Variants in RPH3AL observed in about 807,000 individuals in gnomAD.
The protein encoded by RPH3AL is rab effector Noc2.
In RPH3AL, 38 loss-of-function variants were observed where a neutral mutation model predicts 43.1. The ratio of observed to expected loss-of-function variants is 0.88; its 90% CI spans 0.68 to 1.15. The LOEUF (loss-of-function observed/expected upper bound fraction) is 1.15. Ranked by LOEUF, RPH3AL falls within the 50% of genes most tolerant of loss-of-function variation. The probability of loss-of-function intolerance (pLI) is 0.00; values close to 1 mark genes in which losing one functional copy is unlikely to be tolerated. For missense variants in RPH3AL, 462 were observed against 423.2 expected (o/e 1.09, Z -0.81); for synonymous variants, 189 against 176.3 (o/e 1.07, Z -0.57).
chr17:236,944 C>G (rs2041410890), intron 7 of RPH3AL, among the ~76,000 whole-genome samples: 1 of 152,266 alleles, frequency 6.6e-6, no homozygotes, highest in Non-Finnish European at 1.5e-5. Context: ...GGTCAGCCTT[C>G]CCCTCCTCAT....
At chr17:226,896 C>T (rs1332755428) in intron 7 of RPH3AL, among the ~76,000 whole-genome samples, 1 of 151,942 alleles carries the variant, frequency 6.6e-6, no homozygotes, top group Non-Finnish European at 1.5e-5. Context: ...CATTTTTTTT[C>T]TCTCTAATTC....
In RPH3AL at chr17:289,846, G is replaced by A. The variant is rs2043006649; in HGVS notation, c.352-7992C>T. On this transcript the variant is annotated intron_variant, in intron 5 of 9. Coordinates refer to ENST00000331302, the MANE Select transcript of RPH3AL (RefSeq NM_006987.4). This position sits in a 1 kb window ranked among gnomAD's most constrained non-coding sequence, Gnocchi z 5.2. ...TCAGCAAAAGCACCACATCTTCAAG[G>A]AAGACTTCCGCAACACTCCTTCCAC... Among the ~76,000 whole-genome samples the A allele has an allele frequency of 1.3e-5, 2 of 152,134 alleles. No homozygotes were observed. Among genetic ancestry groups the A allele is most frequent in the Non-Finnish European group, 2.9e-5 (2 of 68,024 alleles).
intron 7 of RPH3AL, among the ~76,000 whole-genome samples, chr17:244,866 T>C (rs531354319): frequency 1.3e-5 from 2 of 152,290 alleles, no homozygotes; most frequent in African/African-American, 4.8e-5. Context: ...ACCGTGTGTG[T>C]GCATATGAGT....
intron 5 of RPH3AL, chr17:306,550 G>C (rs1598058861): frequency 6.6e-6 from 1 of 152,176 alleles, no homozygotes; most frequent in Non-Finnish European, 1.5e-5. Context: ...GCTAACTCCT[G>C]TCTTCAGAGT....
intron 6 of RPH3AL, among the ~76,000 whole-genome samples, chr17:258,073 G>A (rs950747546): frequency 2.6e-5 from 4 of 152,090 alleles, no homozygotes; most frequent in South Asian, 2.1e-4. Context: ...GCAGCAACCC[G>A]TGTCAGCACG....
At position 302,242 on chromosome 17, in the gene RPH3AL, AGCCTTTGCCTGTCACTGGAAG is replaced by A. The variant is rs552773557; in HGVS notation, c.351+17157_351+17177del. ...GCAGGCCCGAGAGAGTCTCTCGTCC[AGCCTTTGCCTGTCACTGGAAG>A]GCCAGAGAGGGAAACAGATTTTCAT... On this transcript the variant is annotated intron_variant, in intron 5 of 9. Coordinates refer to ENST00000331302, the MANE Select transcript of RPH3AL (RefSeq NM_006987.4). 3.8e-4 allele frequency among the ~76,000 whole-genome samples: 58 copies of A among 152,338 alleles called. 1 individual carries two copies. In the South Asian group the frequency reaches 0.012, roughly 32 times the overall value.
intron 4 of RPH3AL, 27 bp from the exon 5 acceptor site, chr17:319,576 G>A (rs1278293351): frequency 1.8e-5 from 29 of 1,607,028 alleles, no homozygotes; most frequent in Non-Finnish European, 2.4e-5. Context: ...AGAGTCAGAG[G>A]GACTGTGCTT....
At chr17:321,471 GC>G (rs2044470546) in intron 3 of RPH3AL, 56 bp from the exon 4 acceptor site, 3 of 1,486,904 alleles carry the variant, frequency 2.0e-6, no homozygotes, top group East Asian at 4.9e-5. Context: ...AACTCCGGCA[GC>G]CCCTACCACA....
chr17:302,567 A>G (rs757599160), intron 5 of RPH3AL, among the ~76,000 whole-genome samples: 3 of 149,378 alleles, frequency 2.0e-5, no homozygotes, highest in Non-Finnish European at 2.9e-5. Context: ...TTCGGACCCC[A>G]GGACGAGGCT....
Position 247,589 on chromosome 17 carries a change from G to A in RPH3AL, c.439-304C>T, listed in dbSNP as rs561208311. The A allele has an allele frequency of 3.5e-5, 12 of 344,294 alleles. 1 individual carries two copies. Among genetic ancestry groups the A allele is most frequent in the East Asian group, 1.0e-4 (2 of 19,724 alleles). The allele number at this position is 344,294 out of a possible 1,614,324, so 21.3% of individuals were successfully genotyped here. On this transcript the variant is annotated intron_variant, in intron 6 of 9. Transcript: ENST00000331302. ...CAGCCTCCACCTCCTGGGCTCACGCGGTCCTCCTGCCTCAGTCTCCTCAGC... is the reference window on the plus strand; with the variant it reads ...CAGCCTCCACCTCCTGGGCTCACGCAGTCCTCCTGCCTCAGTCTCCTCAGC...
At chr17:232,881 TGTGTGTTGG>T (rs2041264402) in intron 7 of RPH3AL, among the ~76,000 whole-genome samples, 1 of 112,390 alleles carries the variant, frequency 8.9e-6, no homozygotes, top group Admixed American at 9.9e-5. Flanking sequence ...TGTGTGTGTG[TGTGTGTTGG>T]CTTCTATTAG....
intron 6 of RPH3AL, among the ~76,000 whole-genome samples, chr17:253,522 T>A (rs2041969214): frequency 6.6e-6 from 1 of 152,164 alleles, no homozygotes; most frequent in Non-Finnish European, 1.5e-5. Flanking sequence ...TAAAAATGTT[T>A]CCATTGTATT....
At chr17:249,069 T>C (rs1555541305) in intron 6 of RPH3AL, among the ~76,000 whole-genome samples, 1 of 152,102 alleles carries the variant, frequency 6.6e-6, no homozygotes, top group African/African-American at 2.4e-5. Flanking sequence ...CCGATTAGAA[T>C]TCAGAGCAGC....
intron 1 of RPH3AL, chr17:339,370 A>G (rs565019115): frequency 3.9e-5 from 6 of 152,442 alleles, no homozygotes; most frequent in African/African-American, 1.4e-4. Flanking sequence ...GTCAGACAGA[A>G]CCACTGGCAC....
At position 257,831 on chromosome 17, in the gene RPH3AL, T is replaced by G. The variant is rs1430509937; in HGVS notation, c.439-10546A>C. Among the ~76,000 whole-genome samples the G allele has an allele frequency of 5.5e-4, 12 of 21,650 alleles. 3 individuals carry two copies. The East Asian group carries it at 8.1e-3, about 15-fold the overall frequency. 14.2% of individuals were successfully genotyped at this position (21,650 alleles called of 152,430 possible). On this transcript the variant is annotated intron_variant, in intron 6 of 9. Transcript: ENST00000331302. ...CTGTCCTGTTCTGTCCCTAGGAATG[T>G]GACTACCCTACGTACTTCCTATGAG... is the stretch of plus-strand genomic sequence containing the variant.
rs763796059 is a variant in RPH3AL, at chr17:219,673, G to A, written c.677C>T (p.Pro226Leu). ...LSSSSLEDRL[P>L]STGVRDRKGD... The stretch of plus-strand genomic sequence containing the variant: ...TTTCCGGTCCCTGACCCCAGTGGAT[G>A]GGAGTCTGTCCTCTAGGCTGGAGGA... The change falls in exon 8 of 10, where the codon CCA becomes CTA. Residue 226 changes from proline (P) to leucine (L), a missense_variant. Coordinates refer to ENST00000331302, the MANE Select transcript of RPH3AL (RefSeq NM_006987.4). 3.1e-6 allele frequency: 5 copies of A among 1,613,538 alleles called. No individual in the cohort carries two copies. In the African/African-American group the frequency reaches 6.7e-5, roughly 22 times the overall value.
intron 5 of RPH3AL, among the ~76,000 whole-genome samples, chr17:304,935 G>GGGGGACAGGGCGAGA (rs2043430572): frequency 1.5e-5 from 1 of 66,134 alleles, no homozygotes; most frequent in African/African-American, 4.8e-5. Context: ...CAGGGCGAGA[G>GGGGGACAGGGCGAGA]GGGGACAGGG....
At position 319,507 on chromosome 17, in the gene RPH3AL, C is replaced by T; in HGVS notation, c.264G>A (p.Met88Ile). ...GCAGACACTGGGACAGGCCGTTCCC[C>T]ATCACATTCCGCCTCATGGTCTCCA... ...ERLETMRRNV[M>I]GNGLSQCLLC... is the part of the protein sequence containing the mutation. The change falls in exon 5 of 10, where the codon ATG becomes ATA. Residue 88 changes from methionine (M) to isoleucine (I), a missense_variant. Physicochemically the swap from Met to Ile is conservative, Grantham distance 10. Transcript: ENST00000331302. The T allele has an allele frequency of 6.2e-7, 1 of 1,612,420 alleles. No individual in the cohort carries two copies. Among genetic ancestry groups the T allele is most frequent in the Non-Finnish European group, 8.5e-7 (1 of 1,179,960 alleles).
intron 1 of RPH3AL, among the ~76,000 whole-genome samples, chr17:349,601 T>A (rs1043296243): frequency 6.6e-6 from 1 of 152,020 alleles, no homozygotes; most frequent in African/African-American, 2.4e-5. Flanking sequence ...GTGGGAGGAT[T>A]GCTTGAGGCC....
Sources: gnomAD v4.1 joint callset for allele counts (sites outside exome capture counted in the v4.1 genomes callset) on GRCh38, gnomAD v4.1.1 for gene constraint, Gnocchi (gnomAD v3.1) non-coding constraint, MANE v1.5 for transcripts, NCBI Gene and HGNC (gene_info 2026-07-23, HGNC 2026-07-21) for gene names.